The following CMTM8 variants were observed in gnomAD, a reference collection of about 807,000 sequenced individuals.
CMTM8 encodes the protein CKLF-like MARVEL transmembrane domain-containing protein 8.
CMTM8 carries 12 observed loss-of-function variants against 18.6 expected under a neutral mutation model. The ratio of observed to expected loss-of-function variants is 0.65; its 90% CI spans 0.41 to 1.05. The LOEUF (loss-of-function observed/expected upper bound fraction) is 1.05, where lower values mean the gene tolerates loss of function less well. Among genes scored for constraint, CMTM8 ranks in the 50% least tolerant of loss-of-function variants. The probability of loss-of-function intolerance (pLI) is 0.00; values close to 1 mark genes in which losing one functional copy is unlikely to be tolerated. For missense variants in CMTM8, 217 were observed against 227.2 expected (o/e 0.95, Z 0.29); for synonymous variants, 87 against 90.6 (o/e 0.96, Z 0.23).
intron 1 of CMTM8, among the ~76,000 whole-genome samples, chr3:32,250,566 A>G (rs980799389): frequency 3.3e-5 from 5 of 151,968 alleles, no homozygotes; most frequent in South Asian, 2.1e-4. Context: ...TCTTTCAACA[A>G]TGTTTTGTAG....
At chr3:32,289,488 A>G (rs181186406) in intron 1 of CMTM8, among the ~76,000 whole-genome samples, 5 of 152,322 alleles carry the variant, frequency 3.3e-5, no homozygotes, top group Non-Finnish European at 5.9e-5. Context: ...GGAGCCTTGA[A>G]GGATGGATAG....
At chr3:32,313,231 C>T (rs1251940829) in intron 1 of CMTM8, among the ~76,000 whole-genome samples, 1 of 152,040 alleles carries the variant, frequency 6.6e-6, no homozygotes, top group Non-Finnish European at 1.5e-5. Flanking sequence ...CTGCTGGTCC[C>T]GAATGAAGCC....
At chr3:32,287,552 G>A (rs1302262141) in intron 1 of CMTM8, among the ~76,000 whole-genome samples, 1 of 152,072 alleles carries the variant, frequency 6.6e-6, no homozygotes, top group African/African-American at 2.4e-5. Context: ...TGTATATTTT[G>A]TCTTTATGTA....
chr3:32,306,601 C>T (rs866877117), intron 1 of CMTM8, among the ~76,000 whole-genome samples: 4 of 152,254 alleles, frequency 2.6e-5, no homozygotes, highest in South Asian at 4.2e-4. Context: ...CCTTGTGGAG[C>T]TGTTTGATAA....
intron 1 of CMTM8, among the ~76,000 whole-genome samples, chr3:32,319,217 T>A (rs917197415): frequency 6.6e-6 from 1 of 150,462 alleles, no homozygotes; most frequent in Non-Finnish European, 1.5e-5. Flanking sequence ...TAGCTGGGCT[T>A]ACAGGCACCC....
intron 1 of CMTM8, among the ~76,000 whole-genome samples, chr3:32,240,173 T>C (rs1317938018): frequency 2.6e-5 from 4 of 152,198 alleles, no homozygotes; most frequent in Non-Finnish European, 4.4e-5. Context: ...GGCGGTTCCT[T>C]TGAGAAACCT....
chr3:32,369,861 C>T lies in CMTM8; in HGVS notation c.439-23C>T, dbSNP rs192792035. 151 of 1,557,326 alleles carry T rather than the reference C, an allele frequency of 9.7e-5. 1 individual carries two copies. Among genetic ancestry groups the T allele is most frequent in the Middle Eastern group, 1.7e-4 (1 of 5,950 alleles). ...TTAGGATGTGCCCTAAACCCCACTT[C>T]TATTATGCTTTGTTTTCTCCAGTTC... On this transcript the variant is annotated intron_variant, in intron 3 of 3. Coordinates refer to ENST00000307526, the MANE Select transcript of CMTM8 (RefSeq NM_178868.5).
At chr3:32,289,152 T>A (rs1008263430) in intron 1 of CMTM8, among the ~76,000 whole-genome samples, 11 of 152,212 alleles carry the variant, frequency 7.2e-5, no homozygotes, top group African/African-American at 2.4e-4. Context: ...CACTGCTACT[T>A]GGCTACAGCT....
At chr3:32,350,524 A>ATTT (rs35024397) in intron 1 of CMTM8, among the ~76,000 whole-genome samples, 3,592 of 135,706 alleles carry the variant, frequency 0.026, 134 homozygotes, top group African/African-American at 0.063. Context: ...GGCCCAGCTA[A>ATTT]TTTTTTTTTT....
At chr3:32,303,209 A>G (rs770370122) in intron 1 of CMTM8, among the ~76,000 whole-genome samples, 2 of 152,220 alleles carry the variant, frequency 1.3e-5, no homozygotes, top group African/African-American at 4.8e-5. Flanking sequence ...CTTGCTGGGA[A>G]CTGTAGGCCT....
intron 1 of CMTM8, among the ~76,000 whole-genome samples, chr3:32,291,669 A>G (rs1388742559): frequency 6.6e-6 from 1 of 152,246 alleles, no homozygotes; most frequent in Non-Finnish European, 1.5e-5. Flanking sequence ...CCACTTTGGC[A>G]TGGCCACAGG....
At chr3:32,294,632 G>C (rs1702842947) in intron 1 of CMTM8, among the ~76,000 whole-genome samples, 1 of 152,222 alleles carries the variant, frequency 6.6e-6, no homozygotes. Flanking sequence ...GCCACATAAA[G>C]TATGCGGCAG....
At chr3:32,354,877 G>A (rs1378282834) in intron 1 of CMTM8, among the ~76,000 whole-genome samples, 1 of 152,212 alleles carries the variant, frequency 6.6e-6, no homozygotes, top group Non-Finnish European at 1.5e-5. Flanking sequence ...CCTCATTAGT[G>A]TGAGGCTTAG....
intron 1 of CMTM8, among the ~76,000 whole-genome samples, chr3:32,290,377 A>G (rs1702758968): frequency 6.6e-6 from 1 of 152,246 alleles, no homozygotes; most frequent in Admixed American, 6.5e-5. Flanking sequence ...TACCATTTTC[A>G]TGAATGGGAA....
chr3:32,264,029 G>A (rs948585566), intron 1 of CMTM8, among the ~76,000 whole-genome samples: 2 of 152,196 alleles, frequency 1.3e-5, no homozygotes, highest in African/African-American at 4.8e-5. Flanking sequence ...ACACTCTGCA[G>A]GATATTATCC....
At chr3:32,360,557 A>C (rs996913200) in intron 2 of CMTM8, among the ~76,000 whole-genome samples, 1 of 152,254 alleles carries the variant, frequency 6.6e-6, no homozygotes. Context: ...CTAAACTTCC[A>C]TATTTTCCAC....
intron 1 of CMTM8, among the ~76,000 whole-genome samples, chr3:32,285,765 G>A (rs918971361): frequency 2.0e-5 from 3 of 152,098 alleles, no homozygotes; most frequent in Non-Finnish European, 4.4e-5. Context: ...CCAGCTGAGA[G>A]GTGACTTTTT....
chr3:32,282,307 A>G (rs1028975346), intron 1 of CMTM8, among the ~76,000 whole-genome samples: 2 of 152,230 alleles, frequency 1.3e-5, no homozygotes, highest in Non-Finnish European at 2.9e-5. Flanking sequence ...ATAGATTAAA[A>G]GAGATTTATG....
chr3:32,347,456 A>G (rs1457057087), intron 1 of CMTM8, among the ~76,000 whole-genome samples: 1 of 149,442 alleles, frequency 6.7e-6, no homozygotes, highest in African/African-American at 2.5e-5. Flanking sequence ...ACAGCACTCA[A>G]CTGTGACAAT....
Sources: gnomAD v4.1 joint callset for allele counts (sites outside exome capture counted in the v4.1 genomes callset) on GRCh38, gnomAD v4.1.1 for gene constraint, MANE v1.5 for transcripts, NCBI Gene and HGNC (gene_info 2026-07-23, HGNC 2026-07-21) for gene names.